The following LRP1B variants were observed in gnomAD, a reference collection of about 807,000 sequenced individuals.
LRP1B encodes the protein low-density lipoprotein receptor-related protein 1B.
Under a neutral mutation model 556.6 loss-of-function variants are expected in LRP1B, and 217 were observed. The observed-to-expected ratio is 0.39, with a 90% confidence interval of 0.35 to 0.44. LRP1B has a LOEUF of 0.44. LRP1B is among the 20% of genes least tolerant of loss of function. The pLI is 1.00. For missense variants in LRP1B, 5,053 were observed against 5,620.8 expected (o/e 0.90, Z 3.23); for synonymous variants, 2,047 against 1,865.8 (o/e 1.10, Z -2.50).
chr2:142,002,107 T>C (rs1702673083), intron 1 of LRP1B, among the ~76,000 whole-genome samples: 1 of 152,172 alleles, frequency 6.6e-6, no homozygotes, highest in Admixed American at 6.5e-5. Flanking sequence ...TTTAGTAAAA[T>C]ATCACAAGTA....
In LRP1B at chr2:140,407,474, A is replaced by C. The variant is rs183970122; in HGVS notation, c.10415-21465T>G. On this transcript the variant is annotated intron_variant, in intron 66 of 90. Coordinates refer to ENST00000389484, the MANE Select transcript of LRP1B (RefSeq NM_018557.3). ...CAGAATGTACAAGGAACTCAAGCAA[A>C]TCAGCAAGAAAAGGACAAATAATCC... Among the ~76,000 whole-genome samples the C allele has an allele frequency of 1.1e-3, 171 of 152,234 alleles. 1 individual carries two copies. The highest frequency in any genetic ancestry group is 4.1e-3 in the African/African-American group (169 of 41,564).
intron 18 of LRP1B, among the ~76,000 whole-genome samples, chr2:140,967,574 A>G (rs1471456001): frequency 1.3e-5 from 2 of 151,904 alleles, no homozygotes; most frequent in African/African-American, 2.4e-5. Context: ...TTCCAACACT[A>G]TGTTGAATAG....
Position 142,115,550 on chromosome 2 carries a change from T to TTAC in LRP1B, c.82+15097_82+15098insGTA, listed in dbSNP as rs1559079621. On this transcript the variant is annotated intron_variant, in intron 1 of 90. Coordinates refer to ENST00000389484, the MANE Select transcript of LRP1B (RefSeq NM_018557.3). ...ATATATATATTACATATGTAATATA[T>TTAC]ATATTATATATGTAATATATATTAT... Among the ~76,000 whole-genome samples, 191 of 23,994 alleles carry TTAC rather than the reference T, an allele frequency of 8.0e-3. 48 individuals are homozygous for TTAC. The highest frequency in any genetic ancestry group is 0.019 in the Non-Finnish European group (162 of 8,686). The allele number at this position is 23,994 out of a possible 152,430, so 15.7% of individuals were successfully genotyped here.
intron 31 of LRP1B, among the ~76,000 whole-genome samples, chr2:140,834,508 G>T (rs1160284992): frequency 2.0e-5 from 3 of 152,202 alleles, no homozygotes; most frequent in Non-Finnish European, 4.4e-5. Flanking sequence ...AAAGTGCTGG[G>T]ATTACAAGCG....
intron 33 of LRP1B, among the ~76,000 whole-genome samples, chr2:140,772,396 G>A (rs772033704): frequency 7.2e-5 from 11 of 152,036 alleles, no homozygotes; most frequent in Middle Eastern, 6.8e-3. Flanking sequence ...CGCAACCTCC[G>A]CTTCCCAGGT....
At chr2:141,486,143 A>G (rs2105101638) in intron 2 of LRP1B, among the ~76,000 whole-genome samples, 1 of 152,294 alleles carries the variant, frequency 6.6e-6, no homozygotes, top group East Asian at 1.9e-4. Flanking sequence ...GACCTAAGCA[A>G]GATAGCAAAA....
intron 41 of LRP1B, among the ~76,000 whole-genome samples, chr2:140,689,242 T>C (rs1686154859): frequency 6.6e-6 from 1 of 152,170 alleles, no homozygotes; most frequent in South Asian, 2.1e-4. Context: ...TAACAATAGC[T>C]GAGTCTTGTC....
intron 3 of LRP1B, among the ~76,000 whole-genome samples, chr2:141,435,678 C>T (rs1559069310): frequency 6.6e-6 from 1 of 152,170 alleles, no homozygotes; most frequent in Non-Finnish European, 1.5e-5. Context: ...GTAGCTTACC[C>T]TGGTCTTTTT....
intron 41 of LRP1B, among the ~76,000 whole-genome samples, chr2:140,676,360 A>C (rs1411398355): frequency 3.3e-5 from 5 of 152,222 alleles, no homozygotes; most frequent in Non-Finnish European, 7.4e-5. Context: ...TGATTTAAAA[A>C]TAAGAGATAT....
intron 35 of LRP1B, among the ~76,000 whole-genome samples, chr2:140,738,643 C>G (rs1376661581): frequency 6.6e-6 from 1 of 152,134 alleles, no homozygotes; most frequent in East Asian, 1.9e-4. Flanking sequence ...AGAAAAATTT[C>G]TTAGAATTAC....
At chr2:142,028,628 T>C (rs1322394108) in intron 1 of LRP1B, among the ~76,000 whole-genome samples, 1 of 152,000 alleles carries the variant, frequency 6.6e-6, no homozygotes, top group Non-Finnish European at 1.5e-5. Context: ...AAAGTTGATA[T>C]AAACATTCAC....
chr2:140,235,382 T>G (rs993345109), intron 89 of LRP1B, among the ~76,000 whole-genome samples: 8 of 147,948 alleles, frequency 5.4e-5, no homozygotes, highest in Non-Finnish European at 9.1e-5. Context: ...GTAATGTAAT[T>G]TATACTGATT....
chr2:140,743,107 T>A, intron 35 of LRP1B, among the ~76,000 whole-genome samples: 1 of 152,330 alleles, frequency 6.6e-6, no homozygotes, highest in South Asian at 2.1e-4. Context: ...AACCTTGTAT[T>A]TCCATATGCA....
At chr2:141,837,855 C>A (rs1274553659) in intron 1 of LRP1B, among the ~76,000 whole-genome samples, 4 of 152,038 alleles carry the variant, frequency 2.6e-5, no homozygotes, top group Non-Finnish European at 4.4e-5. Flanking sequence ...ATTTAAAATG[C>A]AGCTAAGAAA....
At chr2:140,905,704 T>C (rs932948397) in intron 22 of LRP1B, among the ~76,000 whole-genome samples, 6 of 152,096 alleles carry the variant, frequency 3.9e-5, no homozygotes, top group Admixed American at 2.0e-4. Flanking sequence ...TAGTGCCTTT[T>C]CCTTAGCACA....
chr2:141,062,237 T>G lies in LRP1B; in HGVS notation c.1050A>C (p.Lys350Asn). 6.2e-7 allele frequency: 1 copy of G among 1,611,148 alleles called. No individual in the cohort carries two copies. Among genetic ancestry groups the G allele is most frequent in the Non-Finnish European group, 8.5e-7 (1 of 1,178,268 alleles). Residue 350 changes from lysine to asparagine, a missense_variant, in exon 8 of 91, where the codon AAA becomes AAC. Physicochemically the swap from Lys to Asn is moderately conservative, Grantham distance 94. Coordinates refer to ENST00000389484, the MANE Select transcript of LRP1B (RefSeq NM_018557.3). ...LFFTDYGNVA[K>N]VERCDMDGMN... ...TCCCATCCATGTCACATCTCTCCACTTTGGCGACATTCCCGTAGTCAGTAA... is the reference window on the plus strand; with the variant it reads ...TCCCATCCATGTCACATCTCTCCACGTTGGCGACATTCCCGTAGTCAGTAA...
At chr2:142,098,704 A>C (rs978654280) in intron 1 of LRP1B, among the ~76,000 whole-genome samples, 3 of 151,822 alleles carry the variant, frequency 2.0e-5, no homozygotes, top group Non-Finnish European at 4.4e-5. Context: ...AGAACAGTAG[A>C]GCCAGAATAA....
chr2:140,627,341 G>A (rs1236684084), intron 41 of LRP1B, among the ~76,000 whole-genome samples: 1 of 152,138 alleles, frequency 6.6e-6, no homozygotes, highest in Non-Finnish European at 1.5e-5. Context: ...GCATGGAGAG[G>A]ATAAAAGCAG....
intron 3 of LRP1B, among the ~76,000 whole-genome samples, chr2:141,461,488 A>C (rs1681870741): frequency 6.6e-6 from 1 of 152,188 alleles, no homozygotes; most frequent in South Asian, 2.1e-4. Context: ...ATGAAAGTCT[A>C]TATATACACA....
Sources: allele counts gnomAD v4.1 joint callset (sites outside exome capture counted in the v4.1 genomes callset), GRCh38; gene constraint gnomAD v4.1.1; transcripts MANE v1.5; gene names NCBI Gene and HGNC (gene_info 2026-07-23, HGNC 2026-07-21).